FRAS1: variants seen among roughly 807,000 people sequenced by gnomAD.
FRAS1 encodes the protein Fraser extracellular matrix complex subunit 1.
FRAS1 carries 290 observed loss-of-function variants against 435.2 expected under a neutral mutation model. The ratio of observed to expected loss-of-function variants is 0.67; its 90% CI spans 0.61 to 0.73. FRAS1 has a LOEUF of 0.73. Among genes scored for constraint, FRAS1 ranks in the 30% least tolerant of loss-of-function variants. The pLI, the probability that FRAS1 is intolerant of heterozygous loss-of-function variation, is 0.00. For synonymous variants in FRAS1, 1,800 were observed against 1,851.0 expected (o/e 0.97, Z 0.71); for missense variants, 4,860 against 5,001.5 (o/e 0.97, Z 0.85).
chr4:78,453,284 T>G (rs989265165), intron 47 of FRAS1, among the ~76,000 whole-genome samples: 3 of 152,164 alleles, frequency 2.0e-5, no homozygotes, highest in South Asian at 2.1e-4. Flanking sequence ...GTTAGAAAGC[T>G]TTCACATTTG....
intron 2 of FRAS1, among the ~76,000 whole-genome samples, chr4:78,115,126 T>G (rs1326332779): frequency 6.6e-6 from 1 of 151,566 alleles, no homozygotes; most frequent in Non-Finnish European, 1.5e-5. Context: ...TATGCTAGAT[T>G]ACGTTTATTG....
chr4:78,378,667 T>C (rs1176127463), intron 26 of FRAS1, among the ~76,000 whole-genome samples: 2 of 152,162 alleles, frequency 1.3e-5, no homozygotes, highest in Admixed American at 1.3e-4. Context: ...CTTTTGTGTA[T>C]CTTCTTTGAA....
intron 58 of FRAS1, among the ~76,000 whole-genome samples, chr4:78,483,759 A>G (rs1720081777): frequency 1.6e-5 from 1 of 62,950 alleles, no homozygotes; most frequent in Non-Finnish European, 3.2e-5. Context: ...CTTCAGGAGA[A>G]AAAAAAAACT....
intron 16 of FRAS1, 93 bp from the exon 17 acceptor site, chr4:78,317,275 A>G (rs960185289): frequency 7.1e-7 from 1 of 1,417,836 alleles, no homozygotes. Flanking sequence ...TCCACAGGGG[A>G]CTAAGAGTCC....
Position 78,477,880 on chromosome 4 carries a change from T to A in FRAS1, c.7917T>A (p.Phe2639Leu). 6.2e-7 allele frequency: 1 copy of A among 1,613,584 alleles called. No individual in the cohort carries two copies. Among genetic ancestry groups the A allele is most frequent in the Non-Finnish European group, 8.5e-7 (1 of 1,179,752 alleles). The change falls in exon 55 of 74, where the codon TTT (phenylalanine) becomes TTA (leucine). Residue 2639 changes from phenylalanine to leucine, a missense_variant. Transcript: ENST00000512123. ...TTGTCATCAACGATGATGACGTGTT[T>A]GAAAATGTTGAGAGTTTCACTGTGG... ...CTIVINDDDV[F>L]ENVESFTVEL...
chr4:78,272,060 G>A (rs1412973303), intron 9 of FRAS1, among the ~76,000 whole-genome samples: 13 of 152,210 alleles, frequency 8.5e-5, no homozygotes, highest in Non-Finnish European at 1.9e-4. Flanking sequence ...TTTCTCTGAT[G>A]ACCAGTGACG....
chr4:78,523,939 C>T (rs1721461831), intron 69 of FRAS1, among the ~76,000 whole-genome samples: 1 of 152,202 alleles, frequency 6.6e-6, no homozygotes, highest in Admixed American at 6.5e-5. Flanking sequence ...CCAGCCCATC[C>T]ATACCTCCAT....
chr4:78,446,040 G>T lies in FRAS1; in HGVS notation c.5856+328G>T, dbSNP rs187466981. ...CTATGTTTCTCTGAAATTGTGTTTG[G>T]TTCTATATGCATATTTGCCTTTTCT... On this transcript the variant is annotated intron_variant, in intron 42 of 73. Transcript: ENST00000512123. The T allele has an allele frequency of 6.1e-4, 735 of 1,203,932 alleles. 6 individuals carry two copies. The African/African-American group carries it at 0.01, about 17-fold the overall frequency. 74.6% of individuals were successfully genotyped at this position (1,203,932 alleles called of 1,614,324 possible).
chr4:78,519,351 C>A lies in FRAS1; in HGVS notation c.10410C>A (p.Ser3470=). The change falls in exon 67 of 74, where the codon TCC becomes TCA. Residue 3470 remains serine, a synonymous_variant. Transcript: ENST00000512123. The stretch of plus-strand genomic sequence containing the variant: ...GGCAGGTGAGGGACTCTGCCCAGTC[C>A]TTCTTGACAGTGCACGTGCCTCTAT... ...ADFQVRDSAQ[S]FLTVHVPLYV... is the part of the protein sequence containing the mutation. 2 of 1,575,718 alleles carry A rather than the reference C, an allele frequency of 1.3e-6. No homozygotes were observed. The highest frequency in any genetic ancestry group is 2.0e-5 in the Admixed American group (1 of 50,442).
intron 30 of FRAS1, among the ~76,000 whole-genome samples, chr4:78,402,391 C>T (rs922947656): frequency 6.6e-6 from 1 of 151,642 alleles, no homozygotes; most frequent in African/African-American, 2.4e-5. Flanking sequence ...GCCACCTAAT[C>T]GAGAATTGGT....
At chr4:78,347,404 C>T (rs1730647064) in intron 20 of FRAS1, among the ~76,000 whole-genome samples, 1 of 152,206 alleles carries the variant, frequency 6.6e-6, no homozygotes, top group East Asian at 1.9e-4. Context: ...TCTTGAATAT[C>T]AACTTTGGTT....
intron 13 of FRAS1, 45 bp from the exon 14 acceptor site, chr4:78,286,360 A>C: frequency 1.2e-6 from 2 of 1,610,404 alleles, no homozygotes; most frequent in Non-Finnish European, 1.7e-6. Context: ...TCTTTCAGCT[A>C]ATCAAATGGT....
intron 25 of FRAS1, among the ~76,000 whole-genome samples, chr4:78,375,303 T>G (rs1234732001): frequency 3.9e-5 from 6 of 152,216 alleles, no homozygotes; most frequent in African/African-American, 1.4e-4. Context: ...TTATAACACA[T>G]GTAATCCTCC....
Position 78,379,702 on chromosome 4 carries a change from C to T in FRAS1, c.3293-24C>T, listed in dbSNP as rs759621342. 6.9e-6 allele frequency: 11 copies of T among 1,600,218 alleles called. No homozygotes were observed. In the East Asian group the frequency reaches 2.5e-4, roughly 36 times the overall value. On this transcript the variant is annotated intron_variant, in intron 26 of 73. Coordinates refer to ENST00000512123, the MANE Select transcript of FRAS1 (RefSeq NM_025074.7). Reference sequence around the variant, plus strand: ...ATTAGTGAAGGTACCATAAGCTTGACCTTTGGATTCATATGTTTTTCAGGC... The same window carrying T: ...ATTAGTGAAGGTACCATAAGCTTGATCTTTGGATTCATATGTTTTTCAGGC...
intron 1 of FRAS1, among the ~76,000 whole-genome samples, chr4:78,059,540 T>G (rs1309555937): frequency 6.6e-6 from 1 of 151,226 alleles, no homozygotes; most frequent in African/African-American, 2.4e-5. Context: ...AGGGCTTGAT[T>G]ATAACAATAA....
chr4:78,293,165 T>A (rs1443670037), intron 14 of FRAS1, among the ~76,000 whole-genome samples: 1 of 152,122 alleles, frequency 6.6e-6, no homozygotes, highest in African/African-American at 2.4e-5. Flanking sequence ...AAGATAATAT[T>A]AAATACTTAG....
chr4:78,133,946 G>A lies in FRAS1; in HGVS notation c.108+67930G>A, dbSNP rs191531790. 2.0e-5 allele frequency among the ~76,000 whole-genome samples: 3 copies of A among 150,764 alleles called. No individual in the cohort carries two copies. In the East Asian group the frequency reaches 5.8e-4, roughly 29 times the overall value. ...TTAAGAAAGGTGAGGGAGCTGAGAT[G>A]GACTAGGTTTTTTTTTTTTGTTTTT... On this transcript the variant is annotated intron_variant, in intron 2 of 73. Coordinates refer to ENST00000512123, the MANE Select transcript of FRAS1 (RefSeq NM_025074.7).
At chr4:78,232,619 A>G (rs1724564772) in intron 2 of FRAS1, among the ~76,000 whole-genome samples, 1 of 152,192 alleles carries the variant, frequency 6.6e-6, no homozygotes, top group Admixed American at 6.5e-5. Context: ...TCCAATACCT[A>G]GATGAAGAAA....
rs367990025 is a variant in FRAS1, at chr4:78,412,997, G to A, written c.4337G>A (p.Arg1446His). 43 of 1,607,826 alleles carry A rather than the reference G, an allele frequency of 2.7e-5. No individual in the cohort carries two copies. Among genetic ancestry groups the A allele is most frequent in the African/African-American group, 9.4e-5 (7 of 74,546 alleles). ...TCCAGTGCCTCCAATGCCCAGACCC[G>A]CCTGGAGAGCCACATGTTCAACATC... is the stretch of plus-strand genomic sequence containing the variant. ...EVSSASNAQT[R>H]LESHMFNIAI... Residue 1446 changes from arginine to histidine, a missense_variant, in exon 32 of 74, where the codon CGC becomes CAC. Coordinates refer to ENST00000512123, the MANE Select transcript of FRAS1 (RefSeq NM_025074.7).
Sources: allele counts gnomAD v4.1 joint callset (sites outside exome capture counted in the v4.1 genomes callset), GRCh38; gene constraint gnomAD v4.1.1; transcripts MANE v1.5; gene names NCBI Gene and HGNC (gene_info 2026-07-23, HGNC 2026-07-21).